Variants in TFDP2 observed in about 807,000 individuals in gnomAD.
TFDP2 encodes the protein transcription factor Dp-2, also known as transcription factor Dp-2 (E2F dimerization partner 2).
Under a neutral mutation model 59.3 loss-of-function variants are expected in TFDP2, and 17 were observed. The observed-to-expected ratio is 0.29, with a 90% CI of 0.20 to 0.43. The LOEUF (loss-of-function observed/expected upper bound fraction) is 0.43, where lower values mean the gene tolerates loss of function less well. TFDP2 is among the 20% of genes least tolerant of loss of function. The probability of loss-of-function intolerance (pLI) is 1.00; values close to 1 mark genes in which losing one functional copy is unlikely to be tolerated. For synonymous variants in TFDP2, 180 were observed against 194.7 expected (o/e 0.92, Z 0.63); for missense variants, 391 against 528.8 (o/e 0.74, Z 2.56).
At chr3:142,109,214 T>C (rs1307115408) in intron 1 of TFDP2, among the ~76,000 whole-genome samples, 1 of 152,206 alleles carries the variant, frequency 6.6e-6, no homozygotes, top group Non-Finnish European at 1.5e-5. Context: ...ACTCAGTATT[T>C]TATTTATTTC....
At chr3:142,009,084 T>C (rs1247605328) in intron 3 of TFDP2, among the ~76,000 whole-genome samples, 1 of 152,158 alleles carries the variant, frequency 6.6e-6, no homozygotes, top group East Asian at 1.9e-4. Context: ...AAACCTGTTA[T>C]TACTGACTTG....
chr3:142,035,035 T>C (rs1946625528), intron 3 of TFDP2, among the ~76,000 whole-genome samples: 1 of 152,200 alleles, frequency 6.6e-6, no homozygotes, highest in African/African-American at 2.4e-5. Context: ...GACTATTCCT[T>C]CTCTGTTTCC....
chr3:142,147,907 G>A (rs1165552251), intron 1 of TFDP2, among the ~76,000 whole-genome samples: 1 of 152,094 alleles, frequency 6.6e-6, no homozygotes, highest in South Asian at 2.1e-4. Context: ...ATAAAGTTTA[G>A]CTAAATAACA....
At chr3:142,090,565 T>A (rs932140241) in intron 3 of TFDP2, among the ~76,000 whole-genome samples, 33 of 149,920 alleles carry the variant, frequency 2.2e-4, no homozygotes, top group African/African-American at 7.8e-4. Context: ...TTCTTTCCTT[T>A]TTTTTTTTTT....
chr3:142,053,746 T>G (rs185747940), intron 3 of TFDP2, among the ~76,000 whole-genome samples: 1 of 152,184 alleles, frequency 6.6e-6, no homozygotes, highest in African/African-American at 2.4e-5. Context: ...GAGAAAATGT[T>G]TGCAAAATAC....
At chr3:142,106,693 G>C (rs2061484121) in intron 1 of TFDP2, among the ~76,000 whole-genome samples, 1 of 152,016 alleles carries the variant, frequency 6.6e-6, no homozygotes, top group Non-Finnish European at 1.5e-5. Flanking sequence ...AAAATAAGTT[G>C]GATTTCTTCT....
At chr3:142,017,287 T>C (rs1221787820) in intron 3 of TFDP2, among the ~76,000 whole-genome samples, 2 of 152,228 alleles carry the variant, frequency 1.3e-5, no homozygotes, top group African/African-American at 2.4e-5. Context: ...ATCTCATTCA[T>C]TGCTCCAGCT....
chr3:142,093,603 T>C (rs778405477), intron 2 of TFDP2, among the ~76,000 whole-genome samples: 6 of 152,226 alleles, frequency 3.9e-5, no homozygotes, highest in Non-Finnish European at 7.3e-5. Flanking sequence ...AAGTTGCCAA[T>C]AGATATTTCA....
chr3:141,978,753 T>A, intron 6 of TFDP2, 71 bp from the exon 7 acceptor site: 1 of 1,159,352 alleles, frequency 8.6e-7, no homozygotes, highest in Non-Finnish European at 1.2e-6. Flanking sequence ...CTCTGTAAGA[T>A]AATGCAAGAA....
chr3:141,952,850 C>A, intron 12 of TFDP2, 61 bp downstream of exon 12: 2 of 1,569,224 alleles, frequency 1.3e-6, no homozygotes, highest in Non-Finnish European at 1.8e-6. Flanking sequence ...CCCCGGCTCA[C>A]CCCTACACAG....
intron 1 of TFDP2, among the ~76,000 whole-genome samples, chr3:142,124,796 A>T (rs564125489): frequency 6.6e-6 from 1 of 152,328 alleles, no homozygotes; most frequent in East Asian, 1.9e-4. Flanking sequence ...TTGTATCTGC[A>T]ACTTATACTA....
intron 8 of TFDP2, among the ~76,000 whole-genome samples, chr3:141,972,096 T>C (rs1256639045): frequency 6.6e-6 from 1 of 152,248 alleles, no homozygotes; most frequent in Non-Finnish European, 1.5e-5. Context: ...CCATTCATGG[T>C]TCCTCTATCC....
intron 3 of TFDP2, among the ~76,000 whole-genome samples, chr3:142,061,092 A>C (rs1189291371): frequency 6.6e-6 from 1 of 152,256 alleles, no homozygotes; most frequent in Non-Finnish European, 1.5e-5. Flanking sequence ...TTTAAAAATT[A>C]AATGTATGCT....
rs146929680 is a variant in TFDP2 at position 141,955,332 on chromosome 3, T to C, written c.1052-2316A>G. Among the ~76,000 whole-genome samples, 19 of 152,304 alleles carry C rather than the reference T, an allele frequency of 1.2e-4. No homozygotes were observed. In the East Asian group the frequency reaches 3.7e-3, roughly 29 times the overall value. On this transcript the variant is annotated intron_variant, in intron 11 of 12. Transcript: ENST00000489671. ...TCTGTATCCCAGTCTGCAAATGAGG[T>C]CACGAAGAGATCAAAACCACAGAGC... is the stretch of plus-strand genomic sequence containing the variant.
chr3:142,135,389 T>G (rs946670902), intron 1 of TFDP2, among the ~76,000 whole-genome samples: 2 of 152,098 alleles, frequency 1.3e-5, no homozygotes, highest in Non-Finnish European at 2.9e-5. Flanking sequence ...AGCCTACATA[T>G]GTTTAATTTC....
intron 10 of TFDP2, among the ~76,000 whole-genome samples, chr3:141,960,127 T>C (rs1444711722): frequency 1.3e-5 from 2 of 152,236 alleles, no homozygotes; most frequent in Non-Finnish European, 2.9e-5. Context: ...CTAAATCCAG[T>C]ACTTCTCAAA....
intron 1 of TFDP2, among the ~76,000 whole-genome samples, chr3:142,148,081 A>ATT (rs2063236065): frequency 6.6e-6 from 1 of 152,074 alleles, no homozygotes; most frequent in African/African-American, 2.4e-5. Flanking sequence ...TATTAGGTGA[A>ATT]GATAAATTCA....
chr3:142,074,178 G>A (rs2060358237), intron 3 of TFDP2, among the ~76,000 whole-genome samples: 1 of 150,174 alleles, frequency 6.7e-6, no homozygotes, highest in Non-Finnish European at 1.5e-5. Flanking sequence ...GAGGCCGAGG[G>A]CGGGTGGATC....
At position 141,970,073 on chromosome 3, in the gene TFDP2, C is replaced by T; in HGVS notation, c.732G>A (p.Gln244=). The part of the protein sequence containing the change: ...KRAQLQELLL[Q]QIAFKNLVQR... ...AATGAAAACATCTCGGTATCTTTAC[C>T]TGTAGGAGAAGTTCTTGCAGCTGGG... The change falls in exon 9 of 13, where the codon CAG becomes CAA. Residue 244 remains glutamine (Q), a splice_region_variant and synonymous_variant. Coordinates refer to ENST00000489671, the MANE Select transcript of TFDP2 (RefSeq NM_001178139.2). The T allele has an allele frequency of 1.2e-6, 2 of 1,613,872 alleles. No individual in the cohort carries two copies. The highest frequency in any genetic ancestry group is 1.7e-6 in the Non-Finnish European group (2 of 1,179,736).
Sources: gnomAD v4.1 joint callset for allele counts (sites outside exome capture counted in the v4.1 genomes callset) on GRCh38, gnomAD v4.1.1 for gene constraint, MANE v1.5 for transcripts, NCBI Gene and HGNC (gene_info 2026-07-23, HGNC 2026-07-21) for gene names.